Variants in FBXL7 observed in about 807,000 individuals in gnomAD.
FBXL7 encodes the protein F-box/LRR-repeat protein 7.
A neutral mutation model predicts 38.3 loss-of-function variants in FBXL7; 12 were observed. That is an observed-to-expected ratio of 0.31 (90% confidence interval 0.20 to 0.51). The LOEUF is 0.51. Ranked by LOEUF, FBXL7 falls within the 20% of genes least tolerant of loss-of-function variation. FBXL7 has a pLI of 0.98. For synonymous variants in FBXL7, 297 were observed against 300.9 expected (o/e 0.99, Z 0.13); for missense variants, 567 against 676.4 (o/e 0.84, Z 1.79).
At chr5:15,652,208 A>G (rs1741732233) in intron 2 of FBXL7, among the ~76,000 whole-genome samples, 1 of 152,196 alleles carries the variant, frequency 6.6e-6, no homozygotes, top group African/African-American at 2.4e-5. Flanking sequence ...ATCAGCAATT[A>G]GGCTATTTCA....
intron 2 of FBXL7, among the ~76,000 whole-genome samples, chr5:15,629,122 A>T (rs1740916208): frequency 6.6e-6 from 1 of 152,068 alleles, no homozygotes; most frequent in Admixed American, 6.6e-5. Context: ...TACAAAAAAA[A>T]AAAAATTGAG....
chr5:15,866,998 T>C (rs1484801844), intron 2 of FBXL7, among the ~76,000 whole-genome samples: 3 of 152,298 alleles, frequency 2.0e-5, no homozygotes, highest in East Asian at 1.9e-4. Flanking sequence ...TTAAGAAAGA[T>C]ACATTATGGT....
intron 2 of FBXL7, among the ~76,000 whole-genome samples, chr5:15,747,270 T>G (rs1736039924): frequency 6.6e-6 from 1 of 152,198 alleles, no homozygotes; most frequent in Non-Finnish European, 1.5e-5. Flanking sequence ...TATTTTGCTT[T>G]TACACGTTCC....
At chr5:15,587,341 A>T (rs1739335842) in intron 1 of FBXL7, among the ~76,000 whole-genome samples, 1 of 152,204 alleles carries the variant, frequency 6.6e-6, no homozygotes, top group Non-Finnish European at 1.5e-5. Flanking sequence ...CTTAGGTCTC[A>T]GCCCAAAGGT....
chr5:15,713,941 A>T (rs1479636469), intron 2 of FBXL7, among the ~76,000 whole-genome samples: 1 of 152,220 alleles, frequency 6.6e-6, no homozygotes, highest in Non-Finnish European at 1.5e-5. Context: ...TATTTAACAT[A>T]TTGTGATAGG....
chr5:15,521,102 GT>G (rs1285451828), intron 1 of FBXL7, among the ~76,000 whole-genome samples: 1 of 152,234 alleles, frequency 6.6e-6, no homozygotes, highest in East Asian at 1.9e-4. Flanking sequence ...CTAATTGCTA[GT>G]TGCCCGATCT....
chr5:15,859,357 T>C (rs1739374211), intron 2 of FBXL7, among the ~76,000 whole-genome samples: 1 of 152,146 alleles, frequency 6.6e-6, no homozygotes, highest in Non-Finnish European at 1.5e-5. Context: ...CACAGAACAA[T>C]GTCTAGAGAC....
chr5:15,767,438 G>A (rs945335745), intron 2 of FBXL7, among the ~76,000 whole-genome samples: 4 of 152,190 alleles, frequency 2.6e-5, no homozygotes, highest in Non-Finnish European at 5.9e-5. Flanking sequence ...AGTCTTTGCG[G>A]TGTGAGGAAG....
intron 2 of FBXL7, among the ~76,000 whole-genome samples, chr5:15,925,501 T>G (rs1741857252): frequency 6.6e-6 from 1 of 152,204 alleles, no homozygotes; most frequent in Non-Finnish European, 1.5e-5. Flanking sequence ...AGGAGATCTG[T>G]AAGAAAACTA....
At chr5:15,643,556 T>C (rs900140504) in intron 2 of FBXL7, among the ~76,000 whole-genome samples, 7 of 152,124 alleles carry the variant, frequency 4.6e-5, no homozygotes, top group Non-Finnish European at 8.8e-5. Context: ...GGGTTGGAAA[T>C]GTGGGTGGAT....
intron 2 of FBXL7, among the ~76,000 whole-genome samples, chr5:15,680,303 A>G (rs1421293209): frequency 6.6e-6 from 1 of 152,204 alleles, no homozygotes; most frequent in Non-Finnish European, 1.5e-5. Flanking sequence ...AGTATATAAG[A>G]AGGTGCTAAA....
chr5:15,827,893 T>C (rs1738358224), intron 2 of FBXL7, among the ~76,000 whole-genome samples: 1 of 152,236 alleles, frequency 6.6e-6, no homozygotes, highest in Non-Finnish European at 1.5e-5. Flanking sequence ...CTGCTGTGAA[T>C]ATTTTCCAGG....
chr5:15,891,123 G>A (rs1210949011), intron 2 of FBXL7, among the ~76,000 whole-genome samples: 2 of 152,138 alleles, frequency 1.3e-5, no homozygotes, highest in Non-Finnish European at 2.9e-5. Context: ...CTGAGATGGA[G>A]TACTTTTAAA....
chr5:15,696,718 C>T (rs148911274), intron 2 of FBXL7, among the ~76,000 whole-genome samples: 13 of 152,276 alleles, frequency 8.5e-5, no homozygotes, highest in African/African-American at 3.1e-4. Context: ...AAAATAGTTT[C>T]AGTGCTGATT....
Position 15,777,904 on chromosome 5 carries a change from C to T in FBXL7, c.128-149986C>T, listed in dbSNP as rs147502463. Among the ~76,000 whole-genome samples the T allele has an allele frequency of 4.1e-3, 631 of 152,076 alleles. 7 individuals carry two copies. The highest frequency in any genetic ancestry group is 0.015 in the African/African-American group (602 of 41,500). ...GTGGAAAACAAATCACACAGTCCCA[C>T]TCTCCACATGAACGCCAGCAATCAG... On this transcript the variant is annotated intron_variant, in intron 2 of 3. Transcript: ENST00000504595.
intron 2 of FBXL7, among the ~76,000 whole-genome samples, chr5:15,795,646 A>G (rs1183140688): frequency 6.6e-6 from 1 of 152,222 alleles, no homozygotes; most frequent in African/African-American, 2.4e-5. Context: ...GTGTCTGATC[A>G]TTAAAATCAG....
At chr5:15,822,158 CT>C (rs1243672257) in intron 2 of FBXL7, among the ~76,000 whole-genome samples, 1 of 150,552 alleles carries the variant, frequency 6.6e-6, no homozygotes, top group East Asian at 2.0e-4. Flanking sequence ...CGAGACCATC[CT>C]GTCTAACATG....
chr5:15,614,742 T>A (rs1363768730), intron 1 of FBXL7, among the ~76,000 whole-genome samples: 1 of 152,228 alleles, frequency 6.6e-6, no homozygotes, highest in Non-Finnish European at 1.5e-5. Context: ...GGCTAGGCTG[T>A]CCTCTGATGC....
chr5:15,578,464 T>A (rs1739036564), intron 1 of FBXL7, among the ~76,000 whole-genome samples: 1 of 152,140 alleles, frequency 6.6e-6, no homozygotes, highest in Admixed American at 6.5e-5. Flanking sequence ...TGGTTTTGTA[T>A]CAAACTGGTG....
Sources: gnomAD v4.1 joint callset for allele counts (sites outside exome capture counted in the v4.1 genomes callset) on GRCh38, gnomAD v4.1.1 for gene constraint, MANE v1.5 for transcripts, NCBI Gene and HGNC (gene_info 2026-07-23, HGNC 2026-07-21) for gene names.